AXDND1: variants seen among roughly 807,000 people sequenced by gnomAD.
AXDND1 encodes the protein axonemal dynein light chain domain-containing protein 1.
A neutral mutation model predicts 137.5 loss-of-function variants in AXDND1; 110 were observed. The ratio of observed to expected loss-of-function variants is 0.80; its 90% CI spans 0.69 to 0.94. The LOEUF (loss-of-function observed/expected upper bound fraction) is 0.94, where lower values mean the gene tolerates loss of function less well. Among genes scored for constraint, AXDND1 ranks in the 40% least tolerant of loss-of-function variants. AXDND1 has a pLI of 0.00. For missense variants in AXDND1, 1,191 were observed against 1,169.8 expected, an observed-to-expected ratio of 1.02 and a Z score of -0.26; for synonymous variants, 414 against 399.7, an observed-to-expected ratio of 1.04 and a Z score of -0.43.
At position 179,505,469 on chromosome 1, in the gene AXDND1, A is replaced by G. The variant is rs566986641; in HGVS notation, c.2389-3827A>G. Among the ~76,000 whole-genome samples, 10 of 152,172 alleles carry G rather than the reference A, an allele frequency of 6.6e-5. 1 individual carries two copies. In the South Asian group the frequency reaches 1.9e-3, roughly 28 times the overall value. On this transcript the variant is annotated intron_variant, in intron 20 of 25. Transcript: ENST00000367618. The stretch of plus-strand genomic sequence containing the variant: ...GGAGTTTGAGACCAGCCTGGCCAAC[A>G]TGGTGAAACTGTGTCTGTACTAAAA...
chr1:179,406,446 G>A (rs1652986232), intron 11 of AXDND1, among the ~76,000 whole-genome samples: 1 of 152,138 alleles, frequency 6.6e-6, no homozygotes, highest in Non-Finnish European at 1.5e-5. Flanking sequence ...TGAATGCTGA[G>A]TGTAGGGTTT....
At chr1:179,391,598 G>A (rs573818044) in intron 9 of AXDND1, among the ~76,000 whole-genome samples, 10 of 151,824 alleles carry the variant, frequency 6.6e-5, no homozygotes, top group African/African-American at 1.9e-4. Flanking sequence ...GTGCAGTGGC[G>A]CAATCTCAGC....
chr1:179,401,822 A>G (rs536334852), intron 11 of AXDND1, among the ~76,000 whole-genome samples: 34 of 152,094 alleles, frequency 2.2e-4, no homozygotes, highest in Non-Finnish European at 1.6e-4. Flanking sequence ...CATGATTGTG[A>G]GGCCTCCCCA....
intron 25 of AXDND1, 97 bp from the exon 26 acceptor site, chr1:179,554,415 A>T (rs889746940): frequency 9.4e-6 from 15 of 1,603,294 alleles, no homozygotes; most frequent in Non-Finnish European, 1.3e-5. Flanking sequence ...TGAAAAATTT[A>T]AAATGAAACC....
intron 23 of AXDND1, among the ~76,000 whole-genome samples, chr1:179,531,871 A>G (rs2125701793): frequency 6.6e-6 from 1 of 152,322 alleles, no homozygotes; most frequent in East Asian, 1.9e-4. Flanking sequence ...ACAAGCAAGG[A>G]GGGTCCAATG....
intron 6 of AXDND1, among the ~76,000 whole-genome samples, chr1:179,380,238 G>T (rs1043058597): frequency 1.3e-5 from 2 of 150,782 alleles, no homozygotes; most frequent in Non-Finnish European, 2.9e-5. Context: ...GACAGAGTGA[G>T]ACTCCGTCTC....
At chr1:179,465,090 A>T (rs1662937039) in intron 16 of AXDND1, among the ~76,000 whole-genome samples, 1 of 152,058 alleles carries the variant, frequency 6.6e-6, no homozygotes, top group Admixed American at 6.5e-5. Context: ...GAAATTTGTT[A>T]TTACTGATCA....
chr1:179,447,647 C>G, intron 16 of AXDND1: 1 of 1,311,200 alleles, frequency 7.6e-7, no homozygotes, highest in Non-Finnish European at 1.1e-6. Context: ...ACTCGAAGAT[C>G]TGGTTTTCCA....
At chr1:179,455,659 AG>A (rs1222858815) in intron 16 of AXDND1, 2 of 152,566 alleles carry the variant, frequency 1.3e-5, no homozygotes, top group African/African-American at 4.8e-5. Context: ...TGTTAGTTAA[AG>A]CCATGAATTT....
chr1:179,420,859 G>T (rs1396438763), intron 12 of AXDND1, among the ~76,000 whole-genome samples: 1 of 152,040 alleles, frequency 6.6e-6, no homozygotes, highest in African/African-American at 2.4e-5. Flanking sequence ...GACCTCAAGT[G>T]ATCTGCCTGC....
chr1:179,537,805 G>A (rs373764425), intron 25 of AXDND1, among the ~76,000 whole-genome samples: 1 of 152,262 alleles, frequency 6.6e-6, no homozygotes, highest in African/African-American at 2.4e-5. Flanking sequence ...GAATTTGGCT[G>A]TGAATCCATC....
intron 16 of AXDND1, among the ~76,000 whole-genome samples, chr1:179,460,961 A>G (rs1463910127): frequency 3.3e-5 from 5 of 152,222 alleles, no homozygotes; most frequent in Non-Finnish European, 7.3e-5. Context: ...GCCCTTTGTC[A>G]GATGGGTAGA....
intron 21 of AXDND1, among the ~76,000 whole-genome samples, chr1:179,520,279 T>C (rs1464773631): frequency 3.3e-5 from 5 of 152,208 alleles, no homozygotes; most frequent in African/African-American, 1.2e-4. Context: ...TTAAGAAGCT[T>C]TTGGGCTGAG....
chr1:179,484,595 C>A (rs779455458), intron 18 of AXDND1, among the ~76,000 whole-genome samples: 1 of 152,158 alleles, frequency 6.6e-6, no homozygotes, highest in East Asian at 1.9e-4. Flanking sequence ...GCAGAGCACC[C>A]CCAACTAATG....
At chr1:179,543,809 C>G (rs1185653178) in intron 25 of AXDND1, 1 of 152,356 alleles carries the variant, frequency 6.6e-6, no homozygotes, top group Non-Finnish European at 1.5e-5. Flanking sequence ...ATTTGTGGCA[C>G]ATAGCTTATT....
At chr1:179,440,348 G>C (rs1451364181) in intron 15 of AXDND1, among the ~76,000 whole-genome samples, 1 of 152,234 alleles carries the variant, frequency 6.6e-6, no homozygotes, top group Non-Finnish European at 1.5e-5. Context: ...ATGACCAGCT[G>C]TCTCACCTGT....
At chr1:179,499,359 A>AT (rs1667769357) in intron 20 of AXDND1, among the ~76,000 whole-genome samples, 1 of 151,722 alleles carries the variant, frequency 6.6e-6, no homozygotes, top group African/African-American at 2.4e-5. Flanking sequence ...AAGACCACAT[A>AT]TTTATTCACA....
chr1:179,374,288 C>T (rs751661139), intron 4 of AXDND1, among the ~76,000 whole-genome samples: 52 of 152,176 alleles, frequency 3.4e-4, no homozygotes, highest in Non-Finnish European at 6.2e-4. Flanking sequence ...CCATCTCACA[C>T]CAGTTAGAAT....
chr1:179,449,817 G>C (rs1489001947), intron 16 of AXDND1: 1 of 151,884 alleles, frequency 6.6e-6, no homozygotes, highest in African/African-American at 2.4e-5. Flanking sequence ...TTCACTTAAA[G>C]TGTATAGAAA....
Sources: gnomAD v4.1 joint callset for allele counts (sites outside exome capture counted in the v4.1 genomes callset) on GRCh38, gnomAD v4.1.1 for gene constraint, MANE v1.5 for transcripts, NCBI Gene and HGNC (gene_info 2026-07-23, HGNC 2026-07-21) for gene names.